DOC2B: variants seen among roughly 807,000 people sequenced by gnomAD.
DOC2B encodes the protein double C2-like domain-containing protein beta.
Under a neutral mutation model 28.9 loss-of-function variants are expected in DOC2B, and 21 were observed. That is an observed-to-expected ratio of 0.73 (90% confidence interval 0.52 to 1.05). DOC2B has a LOEUF of 1.05. DOC2B is among the 50% of genes least tolerant of loss of function. DOC2B has a pLI of 0.00. For missense variants in DOC2B, 384 were observed against 421.1 expected, an observed-to-expected ratio of 0.91 and a Z score of 0.77; for synonymous variants, 194 against 178.1, an observed-to-expected ratio of 1.09 and a Z score of -0.71.
At chr17:173,106 C>T (rs1294725622) in intron 1 of DOC2B, among the ~76,000 whole-genome samples, 3 of 152,232 alleles carry the variant, frequency 2.0e-5, no homozygotes, top group Non-Finnish European at 4.4e-5. Context: ...TGCAGCTCCT[C>T]TGTCTCTCTG....
At chr17:166,773 C>T (rs535913189) in intron 2 of DOC2B, among the ~76,000 whole-genome samples, 62 of 126,180 alleles carry the variant, frequency 4.9e-4, no homozygotes, top group African/African-American at 1.8e-3. Context: ...ATACGTCTCA[C>T]GAGATCTCAT....
chr17:169,204 G>C (rs1461502360), intron 2 of DOC2B, among the ~76,000 whole-genome samples: 1 of 152,146 alleles, frequency 6.6e-6, no homozygotes, highest in Non-Finnish European at 1.5e-5. Context: ...ACATTCTGCG[G>C]AGTGAAAGAA....
chr17:159,803 C>T (rs991083651), intron 5 of DOC2B, among the ~76,000 whole-genome samples: 1 of 152,056 alleles, frequency 6.6e-6, no homozygotes, highest in African/African-American at 2.4e-5. Context: ...GAACGCACAC[C>T]ACACATGTGG....
intron 5 of DOC2B, among the ~76,000 whole-genome samples, chr17:156,693 C>G (rs1456100443): frequency 1.3e-5 from 2 of 152,236 alleles, no homozygotes; most frequent in Non-Finnish European, 1.5e-5. Flanking sequence ...CGACGCCTGG[C>G]TCTGTGTGGG....
At chr17:154,909 T>C (rs113560219) in intron 6 of DOC2B, among the ~76,000 whole-genome samples, 6,409 of 152,162 alleles carry the variant, frequency 0.042, 177 homozygotes, top group Non-Finnish European at 0.065. Context: ...TTTTTATTTT[T>C]AGTAGAGACG....
At chr17:162,230 G>A in intron 3 of DOC2B, 40 bp from the exon 4 acceptor site, 2 of 1,449,052 alleles carry the variant, frequency 1.4e-6, no homozygotes, top group Non-Finnish European at 9.5e-7. Context: ...ATCAAAGTGT[G>A]TATCAAACAG....
At chr17:169,860 G>C (rs964645873) in intron 2 of DOC2B, among the ~76,000 whole-genome samples, 1 of 151,920 alleles carries the variant, frequency 6.6e-6, no homozygotes, top group Non-Finnish European at 1.5e-5. Context: ...GATTTACACA[G>C]AGAAGGAACT....
intron 1 of DOC2B, among the ~76,000 whole-genome samples, chr17:179,548 G>A (rs1355961940): frequency 6.6e-6 from 1 of 152,234 alleles, no homozygotes; most frequent in African/African-American, 2.4e-5. Flanking sequence ...TTTCCCATCC[G>A]TTCTTCTGGG....
rs889032525 is a variant in DOC2B, at chr17:147,432, G to A, written c.*9C>T. On this transcript the variant is annotated 3_prime_UTR_variant, in exon 9 of 9. Coordinates refer to ENST00000613549, the MANE Select transcript of DOC2B (RefSeq NM_003585.5). ...AGGTGGCGGCAGGGGTAGCAGTGGC[G>A]GGTGGGCGTCAGTCGCTGAGCACAG... 8 of 398,734 alleles carry A rather than the reference G, an allele frequency of 2.0e-5. No homozygotes were observed. The highest frequency in any genetic ancestry group is 1.3e-4 in the South Asian group (1 of 7,882). 24.7% of individuals were successfully genotyped at this position (398,734 alleles called of 1,614,324 possible).
intron 1 of DOC2B, among the ~76,000 whole-genome samples, chr17:178,652 G>T (rs2040396511): frequency 6.6e-6 from 1 of 152,216 alleles, no homozygotes; most frequent in African/African-American, 2.4e-5. Flanking sequence ...CTGGGAACAT[G>T]CGAGTTATGT....
Position 164,176 on chromosome 17 carries a change from A to G in DOC2B, c.482T>C (p.Leu161Pro), listed in dbSNP as rs1555523623. The G allele has an allele frequency of 6.4e-7, 1 of 1,554,208 alleles. No individual in the cohort carries two copies. Among genetic ancestry groups the G allele is most frequent in the African/African-American group, 1.4e-5 (1 of 73,290 alleles). ...GTGCAGCTTGACGTAGGGGTCTGCC[A>G]GCCCATTGTGGTCCATTGGCTTCAG... The part of the protein sequence containing the change: ...KGLKPMDHNG[L>P]ADPYVKLHLL... The change falls in exon 3 of 9, where the codon CTG becomes CCG. Residue 161 changes from leucine (L) to proline (P), a missense_variant. By Grantham distance (98) the Leu-to-Pro change is moderately conservative. Transcript: ENST00000613549.
chr17:153,548 A>G (rs1159391536), intron 6 of DOC2B, among the ~76,000 whole-genome samples: 1 of 152,156 alleles, frequency 6.6e-6, no homozygotes, highest in Non-Finnish European at 1.5e-5. Context: ...TAAAAATACA[A>G]AAATTAGCCT....
intron 1 of DOC2B, among the ~76,000 whole-genome samples, chr17:179,488 C>A (rs2040410784): frequency 6.6e-6 from 1 of 152,198 alleles, no homozygotes; most frequent in African/African-American, 2.4e-5. Context: ...CTCTGCCCTC[C>A]CCTCTTACTT....
intron 3 of DOC2B, chr17:163,801 T>G (rs556521924): frequency 3.3e-6 from 1 of 305,666 alleles, no homozygotes; most frequent in African/African-American, 2.1e-5. Context: ...AGTCCTTTGT[T>G]TGCACCTAAT....
At chr17:161,029 CCTATCTGCTG>C (rs2040196249) in intron 5 of DOC2B, among the ~76,000 whole-genome samples, 1 of 152,104 alleles carries the variant, frequency 6.6e-6, no homozygotes, top group African/African-American at 2.4e-5. Flanking sequence ...CCAAGGACGT[CCTATCTGCTG>C]CCTGCACATC....
At chr17:158,611 T>TGCTCAGGCAGCCATTCCTGGTG (rs2040163066) in intron 5 of DOC2B, among the ~76,000 whole-genome samples, 1 of 152,224 alleles carries the variant, frequency 6.6e-6, no homozygotes, top group Non-Finnish European at 1.5e-5. Flanking sequence ...TTCAACACAG[T>TGCTCAGGCAGCCATTCCTGGTG]GCTCAGGCAG....
chr17:156,197 G>A (rs2040132922), intron 6 of DOC2B, 23 bp downstream of exon 6: 2 of 1,531,048 alleles, frequency 1.3e-6, no homozygotes, highest in Admixed American at 2.1e-5. Flanking sequence ...CGTGGCAGGT[G>A]GTCACGCGCA....
In DOC2B at chr17:144,315, G is replaced by C. The variant is rs1300273351; in HGVS notation, c.*3126C>G. The C allele has an allele frequency of 6.6e-6, 1 of 152,176 alleles. No individual in the cohort carries two copies. The highest frequency in any genetic ancestry group is 1.5e-5 in the Non-Finnish European group (1 of 68,072). 9.4% of individuals were successfully genotyped at this position (152,176 alleles called of 1,614,324 possible). On this transcript the variant is annotated 3_prime_UTR_variant, in exon 9 of 9. Transcript: ENST00000613549. ...GCTCTGTCGCCCAGGCTGGAGTGCAGTGCCGCGATCTTGGCTCACTGCAGC... is the reference window on the plus strand; with the variant it reads ...GCTCTGTCGCCCAGGCTGGAGTGCACTGCCGCGATCTTGGCTCACTGCAGC...
At chr17:155,417 G>A (rs886785765) in intron 6 of DOC2B, among the ~76,000 whole-genome samples, 14 of 152,114 alleles carry the variant, frequency 9.2e-5, no homozygotes, top group Non-Finnish European at 2.1e-4. Context: ...AGTCACCTGG[G>A]TCCTTGGTGT....
Sources: gnomAD v4.1 joint callset for allele counts (sites outside exome capture counted in the v4.1 genomes callset) on GRCh38, gnomAD v4.1.1 for gene constraint, MANE v1.5 for transcripts, NCBI Gene and HGNC (gene_info 2026-07-23, HGNC 2026-07-21) for gene names.